PLCB1: variants seen among roughly 807,000 people sequenced by gnomAD.
The protein encoded by PLCB1 is 1-phosphatidylinositol 4,5-bisphosphate phosphodiesterase beta-1.
A neutral mutation model predicts 161.8 loss-of-function variants in PLCB1; 46 were observed. That is an observed-to-expected ratio of 0.28 (90% CI 0.22 to 0.36). The LOEUF (loss-of-function observed/expected upper bound fraction) is 0.36. PLCB1 is among the 10% of genes least tolerant of loss of function. The pLI, the probability that PLCB1 is intolerant of heterozygous loss-of-function variation, is 1.00. For synonymous variants in PLCB1, 517 were observed against 503.7 expected (o/e 1.03, Z -0.35); for missense variants, 1,016 against 1,472.5 (o/e 0.69, Z 5.07).
At chr20:8,534,215 A>G (rs938307961) in intron 3 of PLCB1, among the ~76,000 whole-genome samples, 3 of 152,262 alleles carry the variant, frequency 2.0e-5, no homozygotes, top group African/African-American at 2.4e-5. Context: ...GAACACTCCT[A>G]GCCTCCCCAG....
chr20:8,808,891 CAAATT>C (rs1377088646), intron 31 of PLCB1, among the ~76,000 whole-genome samples: 1 of 152,166 alleles, frequency 6.6e-6, no homozygotes, highest in Non-Finnish European at 1.5e-5. Context: ...ACCATTACTA[CAAATT>C]AAATTATATA....
At chr20:8,239,913 A>G (rs902779888) in intron 2 of PLCB1, among the ~76,000 whole-genome samples, 5 of 152,046 alleles carry the variant, frequency 3.3e-5, no homozygotes, top group Non-Finnish European at 7.4e-5. Context: ...GTACAAATCT[A>G]TAAAACTATT....
chr20:8,647,292 T>A (rs562940373), intron 5 of PLCB1, among the ~76,000 whole-genome samples: 2 of 152,246 alleles, frequency 1.3e-5, no homozygotes, highest in Non-Finnish European at 2.9e-5. Flanking sequence ...ACATGTTTTA[T>A]CTGAAACATA....
chr20:8,781,364 C>T (rs537623957), intron 27 of PLCB1, among the ~76,000 whole-genome samples: 37 of 150,266 alleles, frequency 2.5e-4, no homozygotes, highest in African/African-American at 8.6e-4. Flanking sequence ...GTCAATTTTC[C>T]TGATTATTAC....
intron 2 of PLCB1, among the ~76,000 whole-genome samples, chr20:8,346,899 A>G (rs1986016023): frequency 6.6e-6 from 1 of 152,238 alleles, no homozygotes; most frequent in African/African-American, 2.4e-5. Context: ...TCTGAAAGAT[A>G]AGAAGTAAAT....
chr20:8,612,011 T>C (rs886174914), intron 3 of PLCB1, among the ~76,000 whole-genome samples: 6 of 152,126 alleles, frequency 3.9e-5, no homozygotes, highest in African/African-American at 1.4e-4. Context: ...AAAAACCAAC[T>C]AGCTTTTAAG....
chr20:8,174,871 A>G (rs61088871), intron 2 of PLCB1, among the ~76,000 whole-genome samples: 4,455 of 152,224 alleles, frequency 0.029, 234 homozygotes, highest in African/African-American at 0.1. Context: ...CAAGATAGCA[A>G]ATTCCATCCC....
chr20:8,842,466 T>G (rs1314536035), intron 31 of PLCB1, among the ~76,000 whole-genome samples: 4 of 152,184 alleles, frequency 2.6e-5, no homozygotes, highest in Non-Finnish European at 2.9e-5. Flanking sequence ...GATTTGAACT[T>G]AAGAGATTAT....
chr20:8,612,432 G>T (rs560394703), intron 3 of PLCB1, among the ~76,000 whole-genome samples: 1 of 152,126 alleles, frequency 6.6e-6, no homozygotes, highest in Non-Finnish European at 1.5e-5. Flanking sequence ...ATGGAGGAAG[G>T]GTGGCATAGC....
chr20:8,199,185 A>C (rs1388262595), intron 2 of PLCB1, among the ~76,000 whole-genome samples: 1 of 152,138 alleles, frequency 6.6e-6, no homozygotes, highest in Non-Finnish European at 1.5e-5. Context: ...AAGGCTGGAC[A>C]GTAGCCCCTT....
At chr20:8,194,707 C>G (rs1335489406) in intron 2 of PLCB1, among the ~76,000 whole-genome samples, 1 of 152,024 alleles carries the variant, frequency 6.6e-6, no homozygotes, top group Non-Finnish European at 1.5e-5. Flanking sequence ...AGTCTGACAT[C>G]TGTTAATGTG....
intron 6 of PLCB1, 101 bp from the exon 7 acceptor site, chr20:8,649,273 A>G (rs1287005649): frequency 1.5e-5 from 11 of 716,554 alleles, no homozygotes; most frequent in African/African-American, 3.5e-5. Context: ...TGAATAATAA[A>G]TAGATTTGAC....
intron 31 of PLCB1, among the ~76,000 whole-genome samples, chr20:8,860,559 A>G (rs1041445011): frequency 2.0e-5 from 3 of 152,208 alleles, no homozygotes; most frequent in African/African-American, 7.2e-5. Flanking sequence ...CAAACCAAAT[A>G]CCACAGAGCC....
intron 3 of PLCB1, among the ~76,000 whole-genome samples, chr20:8,438,628 C>T (rs1368854597): frequency 6.6e-6 from 1 of 152,192 alleles, no homozygotes; most frequent in African/African-American, 2.4e-5. Context: ...TGTCTCTTAG[C>T]CACAATGTCT....
At chr20:8,767,237 G>A (rs1380132884) in intron 26 of PLCB1, among the ~76,000 whole-genome samples, 1 of 152,112 alleles carries the variant, frequency 6.6e-6, no homozygotes, top group Admixed American at 6.6e-5. Context: ...TGCCTCAGGG[G>A]CCTCCTTCGG....
At chr20:8,141,506 C>T (rs1278271995) in intron 1 of PLCB1, among the ~76,000 whole-genome samples, 1 of 151,276 alleles carries the variant, frequency 6.6e-6, no homozygotes, top group Non-Finnish European at 1.5e-5. Flanking sequence ...ACCTGTAATC[C>T]CGACCACTCG....
chr20:8,539,035 C>T (rs1394122634), intron 3 of PLCB1, among the ~76,000 whole-genome samples: 4 of 152,022 alleles, frequency 2.6e-5, no homozygotes, highest in Non-Finnish European at 5.9e-5. Flanking sequence ...GATCCACCCG[C>T]CTCAGACTCT....
intron 3 of PLCB1, among the ~76,000 whole-genome samples, chr20:8,477,491 A>T (rs984253328): frequency 1.3e-5 from 2 of 152,230 alleles, no homozygotes; most frequent in African/African-American, 2.4e-5. Context: ...CCATGTAACT[A>T]GTGTGTATTA....
chr20:8,520,913 C>T (rs995636868), intron 3 of PLCB1, among the ~76,000 whole-genome samples: 2 of 152,036 alleles, frequency 1.3e-5, no homozygotes, highest in African/African-American at 4.8e-5. Context: ...ATTTGTTAAC[C>T]TGAAAGTTTC....
Sources: gnomAD v4.1 joint callset for allele counts (sites outside exome capture counted in the v4.1 genomes callset) on GRCh38, gnomAD v4.1.1 for gene constraint, MANE v1.5 for transcripts, NCBI Gene and HGNC (gene_info 2026-07-23, HGNC 2026-07-21) for gene names.